SPRED2: variants seen among roughly 807,000 people sequenced by gnomAD.
The protein encoded by SPRED2 is sprouty related EVH1 domain containing 2.
Under a neutral mutation model 43.0 loss-of-function variants are expected in SPRED2, and 47 were observed. The observed-to-expected ratio is 1.09, with a 90% CI of 0.87 to 1.40. The LOEUF (loss-of-function observed/expected upper bound fraction) is 1.40, where lower values mean the gene tolerates loss of function less well. SPRED2 is among the 40% of genes most tolerant of loss of function. SPRED2 has a pLI of 0.00. For synonymous variants in SPRED2, 225 were observed against 225.7 expected (o/e 1.00, Z 0.03); for missense variants, 561 against 586.4 (o/e 0.96, Z 0.45).
chr2:65,319,935 G>A (rs2104138232), intron 4 of SPRED2, among the ~76,000 whole-genome samples: 1 of 152,246 alleles, frequency 6.6e-6, no homozygotes, highest in African/African-American at 2.4e-5. Flanking sequence ...ACACACTGCT[G>A]CCTCTCACAG....
downstream of SPRED2, chr2:65,308,246 G>A (rs917066570): frequency 1.1e-6 from 1 of 945,776 alleles, no homozygotes; most frequent in Non-Finnish European, 1.3e-6. Context: ...ACAGTGCTCT[G>A]ACCCAGGGCA....
chr2:65,323,822 G>A (rs1260925506), intron 4 of SPRED2, among the ~76,000 whole-genome samples: 2 of 152,040 alleles, frequency 1.3e-5, no homozygotes, highest in Admixed American at 6.6e-5. Context: ...GTTGCAGTGA[G>A]CCGAGATCGC....
intron 1 of SPRED2, among the ~76,000 whole-genome samples, chr2:65,384,657 A>G (rs1355721541): frequency 6.6e-6 from 1 of 152,086 alleles, no homozygotes; most frequent in Non-Finnish European, 1.5e-5. Flanking sequence ...ACCCCCACGG[A>G]GAAAAGCCCT....
chr2:65,387,143 G>A (rs1431183450), intron 1 of SPRED2, among the ~76,000 whole-genome samples: 1 of 152,240 alleles, frequency 6.6e-6, no homozygotes, highest in Non-Finnish European at 1.5e-5. Context: ...TAAATGCCTT[G>A]TGCAGTGTGG....
chr2:65,401,191 G>A (rs1356531713), intron 1 of SPRED2, among the ~76,000 whole-genome samples: 1 of 151,566 alleles, frequency 6.6e-6, no homozygotes, highest in African/African-American at 2.4e-5. Flanking sequence ...GGCCAGGCTG[G>A]TCTTGAACTC....
At chr2:65,385,212 TCC>T (rs1242387869) in intron 1 of SPRED2, among the ~76,000 whole-genome samples, 1 of 152,180 alleles carries the variant, frequency 6.6e-6, no homozygotes, top group Non-Finnish European at 1.5e-5. Flanking sequence ...CCTCAGGTGA[TCC>T]GCCTGCCTTG....
intron 1 of SPRED2, among the ~76,000 whole-genome samples, chr2:65,362,884 A>G: frequency 6.7e-6 from 1 of 150,276 alleles, no homozygotes; most frequent in East Asian, 2.0e-4. Context: ...AGAAAAGAAA[A>G]GAAAAAAACG....
intron 1 of SPRED2, among the ~76,000 whole-genome samples, chr2:65,348,403 T>C (rs1157755705): frequency 6.6e-6 from 1 of 152,194 alleles, no homozygotes; most frequent in Non-Finnish European, 1.5e-5. Context: ...AAACTTTGCC[T>C]TTTTTGTTCA....
chr2:65,344,989 T>G, intron 1 of SPRED2, 93 bp from the exon 2 acceptor site: 1 of 1,252,580 alleles, frequency 8.0e-7, no homozygotes, highest in Non-Finnish European at 1.1e-6. Flanking sequence ...CAGCCAGCAC[T>G]TTTTTTGTTT....
chr2:65,342,381 AT>A (rs1674218316), intron 2 of SPRED2, among the ~76,000 whole-genome samples: 1 of 147,670 alleles, frequency 6.8e-6, no homozygotes, highest in South Asian at 2.1e-4. Context: ...ATGTATGTAT[AT>A]TTTGTATATG....
At chr2:65,334,563 A>G in intron 3 of SPRED2, 42 bp downstream of exon 3, 1 of 1,595,278 alleles carries the variant, frequency 6.3e-7, no homozygotes, top group Non-Finnish European at 8.6e-7. Flanking sequence ...AATTTGGAAC[A>G]TTTCCATAGT....
intron 2 of SPRED2, among the ~76,000 whole-genome samples, chr2:65,342,367 TTATATGTATGTATATTTTGTATATGTA>T (rs1674217695): frequency 2.0e-5 from 3 of 147,082 alleles, no homozygotes; most frequent in East Asian, 2.0e-4. Context: ...TATACGTATA[TTATATGTATGTATATTTTGTATATGTA>T]TATATGTATG....
intron 2 of SPRED2, among the ~76,000 whole-genome samples, chr2:65,336,230 C>G (rs1406384409): frequency 6.6e-6 from 1 of 152,068 alleles, no homozygotes; most frequent in Admixed American, 6.6e-5. Context: ...TGGCACACAT[C>G]TGTAGTCCCA....
At chr2:65,336,086 G>T (rs1255632166) in intron 2 of SPRED2, among the ~76,000 whole-genome samples, 1 of 152,234 alleles carries the variant, frequency 6.6e-6, no homozygotes, top group Non-Finnish European at 1.5e-5. Flanking sequence ...CCAGTACAGT[G>T]GCTCATGCCT....
intron 5 of SPRED2, among the ~76,000 whole-genome samples, chr2:65,315,309 T>A (rs967102719): frequency 4.6e-5 from 7 of 152,194 alleles, no homozygotes; most frequent in African/African-American, 1.7e-4. Flanking sequence ...TAGGACTGTT[T>A]TGAGAATGAA....
intron 4 of SPRED2, among the ~76,000 whole-genome samples, chr2:65,327,106 T>C (rs1361892483): frequency 6.6e-6 from 1 of 152,150 alleles, no homozygotes; most frequent in African/African-American, 2.4e-5. Flanking sequence ...CCTGCCTCAC[T>C]TGGCCTCCCG....
Position 65,392,993 on chromosome 2 carries a change from C to T in SPRED2, c.26+38969G>A, listed in dbSNP as rs532685746. 4.1e-4 allele frequency among the ~76,000 whole-genome samples: 63 copies of T among 152,230 alleles called. No individual in the cohort carries two copies. In the South Asian group the frequency reaches 0.011, roughly 28 times the overall value. ...TACTCAACAGCAAGAAAAGGAACTTCGAGGAGCCTGCAAAGAGTTTAAAAT... is the reference window on the plus strand; with the variant it reads ...TACTCAACAGCAAGAAAAGGAACTTTGAGGAGCCTGCAAAGAGTTTAAAAT... On this transcript the variant is annotated intron_variant, in intron 1 of 5. Coordinates refer to ENST00000356388, the MANE Select transcript of SPRED2 (RefSeq NM_181784.3).
At chr2:65,417,100 C>A (rs1676294594) in intron 1 of SPRED2, among the ~76,000 whole-genome samples, 2 of 152,124 alleles carry the variant, frequency 1.3e-5, no homozygotes, top group Admixed American at 1.3e-4. Context: ...CCCATCCTGG[C>A]ACCCACCTCC....
intron 1 of SPRED2, among the ~76,000 whole-genome samples, chr2:65,348,653 A>T (rs1674420689): frequency 6.6e-6 from 1 of 151,900 alleles, no homozygotes; most frequent in African/African-American, 2.4e-5. Context: ...AAGTACAAAA[A>T]ATTAGCTGGG....
Sources: allele counts gnomAD v4.1 joint callset (sites outside exome capture counted in the v4.1 genomes callset), GRCh38; gene constraint gnomAD v4.1.1; transcripts MANE v1.5; gene names NCBI Gene and HGNC (gene_info 2026-07-23, HGNC 2026-07-21).